PKDCC: variants seen among roughly 807,000 people sequenced by gnomAD.
The protein encoded by PKDCC is protein kinase domain containing, cytoplasmic, also known as extracellular tyrosine-protein kinase PKDCC.
A neutral mutation model predicts 44.7 loss-of-function variants in PKDCC; 35 were observed. The observed-to-expected ratio is 0.78, with a 90% CI of 0.60 to 1.04. PKDCC has a LOEUF of 1.04. Among genes scored for constraint, PKDCC ranks in the 50% least tolerant of loss-of-function variants. PKDCC has a pLI of 0.00. For synonymous variants in PKDCC, 353 were observed against 303.3 expected, an observed-to-expected ratio of 1.16 and a Z score of -1.70; for missense variants, 738 against 672.7, an observed-to-expected ratio of 1.10 and a Z score of -1.07.
rs1229958949 is a variant in PKDCC at position 42,054,294 on chromosome 2, T to C, written c.1021T>C (p.Tyr341His). The C allele has an allele frequency of 1.2e-6, 2 of 1,602,846 alleles. No individual in the cohort carries two copies. The highest frequency in any genetic ancestry group is 8.5e-7 in the Non-Finnish European group (1 of 1,174,272). The change falls in exon 3 of 7, where the codon TAT becomes CAT. Residue 341 changes from tyrosine to histidine, a missense_variant. Tyr to His is a moderately conservative substitution (Grantham distance 83). Transcript: ENST00000294964. The surrounding 1 kb of genome is among the most constrained non-coding windows in gnomAD (Gnocchi z 6.1). ...CEGMNEKRNL[Y>H]NAYRFFFTYL... is the part of the protein sequence containing the mutation. ...GGGCATGAACGAGAAGCGGAACCTCTATAATGCCTACAGGTGACCTCCACC... is the reference window on the plus strand; with the variant it reads ...GGGCATGAACGAGAAGCGGAACCTCCATAATGCCTACAGGTGACCTCCACC...
chr2:42,053,211 C>CA, intron 1 of PKDCC, 28 bp from the exon 2 acceptor site: 2 of 1,539,364 alleles, frequency 1.3e-6, no homozygotes, highest in Non-Finnish European at 1.8e-6. Flanking sequence ...ACCCTGTGAC[C>CA]TAATGACCTG....
chr2:42,055,201 G>C lies in PKDCC; in HGVS notation c.1115-85G>C. ...TGTTCACTGGGGCACAGGCTCTGGAGGCAGAGGTGGGAGCAGCTGGCTGCT... is the reference window on the plus strand; with the variant it reads ...TGTTCACTGGGGCACAGGCTCTGGACGCAGAGGTGGGAGCAGCTGGCTGCT... On this transcript the variant is annotated intron_variant, in intron 4 of 6. Coordinates refer to ENST00000294964, the MANE Select transcript of PKDCC (RefSeq NM_138370.3). The surrounding 1 kb of genome is among the most constrained non-coding windows in gnomAD (Gnocchi z 4.5). The C allele has an allele frequency of 7.3e-6, 10 of 1,378,162 alleles. No homozygotes were observed. The highest frequency in any genetic ancestry group is 1.0e-5 in the Non-Finnish European group (10 of 991,756). 85.4% of individuals were successfully genotyped at this position (1,378,162 alleles called of 1,614,324 possible).
In PKDCC at chr2:42,055,905, C is replaced by T. The variant is rs1400559930; in HGVS notation, c.1222+512C>T. 6.6e-6 allele frequency among the ~76,000 whole-genome samples: 1 copy of T among 152,168 alleles called. No homozygotes were observed. The highest frequency in any genetic ancestry group is 2.4e-5 in the African/African-American group (1 of 41,442). ...ATGTTAGGGAAGGCACACACTGAAACCAGCCAAGAAGCCCCAGGGCAGGGG... is the reference window on the plus strand; with the variant it reads ...ATGTTAGGGAAGGCACACACTGAAATCAGCCAAGAAGCCCCAGGGCAGGGG... On this transcript the variant is annotated intron_variant, in intron 5 of 6. Transcript: ENST00000294964. The surrounding 1 kb of genome is among the most constrained non-coding windows in gnomAD (Gnocchi z 4.5).
chr2:42,048,084 G>C lies in PKDCC; in HGVS notation c.-116G>C. 3 of 559,382 alleles carry C rather than the reference G, an allele frequency of 5.4e-6. No individual in the cohort carries two copies. Among genetic ancestry groups the C allele is most frequent in the Non-Finnish European group, 6.7e-6 (3 of 446,438 alleles). The allele number at this position is 559,382 out of a possible 1,614,324, so 34.7% of individuals were successfully genotyped here. ...GGGGTCGGGGCCGCCGGGGCCATGC[G>C]CGCGGGCTGGGCAGGGGGCCGGCGG... is the stretch of plus-strand genomic sequence containing the variant. On this transcript the variant is annotated 5_prime_UTR_variant, in exon 1 of 7. Coordinates refer to ENST00000294964, the MANE Select transcript of PKDCC (RefSeq NM_138370.3). The surrounding 1 kb of genome is among the most constrained non-coding windows in gnomAD (Gnocchi z 6.2).
chr2:42,050,692 G>A (rs753330691), intron 1 of PKDCC, among the ~76,000 whole-genome samples: 70 of 152,308 alleles, frequency 4.6e-4, no homozygotes, highest in African/African-American at 1.6e-3. Context: ...TTATTGTAGA[G>A]TCCCAGACGA....
rs758488715 is a variant in PKDCC, at chr2:42,048,677, G to T, written c.478G>T (p.Gly160Cys). 6 of 1,547,398 alleles carry T rather than the reference G, an allele frequency of 3.9e-6. No individual in the cohort carries two copies. The African/African-American group carries it at 8.2e-5, about 21-fold the overall frequency. The change falls in exon 1 of 7, where the codon GGT becomes TGT. Residue 160 changes from glycine (G) to cysteine (C), a missense_variant. Transcript: ENST00000294964. This position sits in a 1 kb window ranked among gnomAD's most constrained non-coding sequence, Gnocchi z 6.2. ...KAVYRVRLPG[G>C]AAVALKAVDF... ...CGTGTACCGGGTCCGCCTGCCCGGC[G>T]GTGCCGCGGTGGCGCTCAAGGCGGT...
Position 42,053,236 on chromosome 2 carries a change from CAG to C in PKDCC, c.640-2_640-1del. 6.2e-7 allele frequency: 1 copy of C among 1,607,288 alleles called. No homozygotes were observed. The highest frequency in any genetic ancestry group is 1.1e-5 in the South Asian group (1 of 90,320). On this transcript the variant is annotated splice_acceptor_variant, in intron 1 of 6. Coordinates refer to ENST00000294964, the MANE Select transcript of PKDCC (RefSeq NM_138370.3). LOFTEE classifies it high-confidence loss of function. ...CTAATGACCTGCCCTCGGCTTTCCC[CAG>C]CTCTATGGCTACTGCTACCAGGACA...
chr2:42,050,664 G>A (rs1167921177), intron 1 of PKDCC, among the ~76,000 whole-genome samples: 1 of 152,192 alleles, frequency 6.6e-6, no homozygotes, highest in Non-Finnish European at 1.5e-5. Flanking sequence ...GGTTGTCTGG[G>A]GTTAGCTGTG....
chr2:42,056,020 G>T (rs1021508289), intron 5 of PKDCC, among the ~76,000 whole-genome samples: 1 of 152,162 alleles, frequency 6.6e-6, no homozygotes, highest in Non-Finnish European at 1.5e-5. Context: ...GGGTGAGCAG[G>T]TTTCATATTC....
At chr2:42,056,755 C>A (rs1668063008) in intron 5 of PKDCC, among the ~76,000 whole-genome samples, 1 of 150,480 alleles carries the variant, frequency 6.6e-6, no homozygotes, top group Non-Finnish European at 1.5e-5. Flanking sequence ...CAGAGTGAGA[C>A]CCCATCAAAA....
At chr2:42,053,194 C>A in intron 1 of PKDCC, 45 bp from the exon 2 acceptor site, 3 of 1,247,636 alleles carry the variant, frequency 2.4e-6, no homozygotes, top group Non-Finnish European at 3.4e-6. Flanking sequence ...TCCCTGTCCC[C>A]ACCCCCACCC....
At chr2:42,049,732 C>T (rs1490808599) in intron 1 of PKDCC, among the ~76,000 whole-genome samples, 6 of 152,204 alleles carry the variant, frequency 3.9e-5, no homozygotes, top group Non-Finnish European at 8.8e-5. Flanking sequence ...GGGCCTCTCA[C>T]AGTCCCAGCA....
chr2:42,057,140 C>A, intron 5 of PKDCC, 81 bp from the exon 6 acceptor site: 2 of 1,502,522 alleles, frequency 1.3e-6, no homozygotes, highest in Non-Finnish European at 9.2e-7. Flanking sequence ...GTCTTGCTGC[C>A]CTTTCCAGAA....
rs1667922062 is a variant in PKDCC, at chr2:42,048,905, T to G, written c.639+67T>G. On this transcript the variant is annotated intron_variant, in intron 1 of 6. Coordinates refer to ENST00000294964, the MANE Select transcript of PKDCC (RefSeq NM_138370.3). The surrounding 1 kb of genome is among the most constrained non-coding windows in gnomAD (Gnocchi z 6.2). ...GTGCCCAAGACCTTGTCAACCTGGC[T>G]GGAAGAGAACCCCTTGATCTGGAGT... 1 of 1,376,306 alleles carries G rather than the reference T, an allele frequency of 7.3e-7. No homozygotes were observed. The highest frequency in any genetic ancestry group is 9.4e-7 in the Non-Finnish European group (1 of 1,060,038). 85.3% of individuals were successfully genotyped at this position (1,376,306 alleles called of 1,614,324 possible).
chr2:42,055,183 TG>T lies in PKDCC; in HGVS notation c.1115-99del. The T allele has an allele frequency of 7.6e-7, 1 of 1,307,564 alleles. No individual in the cohort carries two copies. Among genetic ancestry groups the T allele is most frequent in the Non-Finnish European group, 1.1e-6 (1 of 928,708 alleles). 81.0% of individuals were successfully genotyped at this position (1,307,564 alleles called of 1,614,324 possible). ...CCCCGCTCCCCCGCCCTCTGTTCAC[TG>T]GGGCACAGGCTCTGGAGGCAGAGGT... On this transcript the variant is annotated intron_variant, in intron 4 of 6. Transcript: ENST00000294964. This position sits in a 1 kb window ranked among gnomAD's most constrained non-coding sequence, Gnocchi z 4.5.
chr2:42,052,135 A>G lies in PKDCC; in HGVS notation c.640-1104A>G, dbSNP rs1460511566. ...AGTGCGGAGCTTCTCCCCAGATGAC[A>G]TAGAGTGGGCAGTTCCCTGTGACCG... On this transcript the variant is annotated intron_variant, in intron 1 of 6. Coordinates refer to ENST00000294964, the MANE Select transcript of PKDCC (RefSeq NM_138370.3). This position sits in a 1 kb window ranked among gnomAD's most constrained non-coding sequence, Gnocchi z 4.3. Among the ~76,000 whole-genome samples the G allele has an allele frequency of 6.6e-6, 1 of 152,102 alleles. No homozygotes were observed. Among genetic ancestry groups the G allele is most frequent in the South Asian group, 2.1e-4 (1 of 4,828 alleles).
Position 42,052,259 on chromosome 2 carries a change from C to A in PKDCC, c.640-980C>A, listed in dbSNP as rs771744978. Reference sequence around the variant, plus strand: ...TGCAAAACACACCTGGGGATGTGCCCTCAGGTACCTTGTTCTTATCAACAC... The same window carrying A: ...TGCAAAACACACCTGGGGATGTGCCATCAGGTACCTTGTTCTTATCAACAC... On this transcript the variant is annotated intron_variant, in intron 1 of 6. Coordinates refer to ENST00000294964, the MANE Select transcript of PKDCC (RefSeq NM_138370.3). The surrounding 1 kb of genome is among the most constrained non-coding windows in gnomAD (Gnocchi z 4.3). Among the ~76,000 whole-genome samples the A allele has an allele frequency of 1.3e-4, 20 of 152,128 alleles. No individual in the cohort carries two copies. The highest frequency in any genetic ancestry group is 2.5e-4 in the Non-Finnish European group (17 of 68,006).
intron 5 of PKDCC, among the ~76,000 whole-genome samples, chr2:42,056,554 A>T (rs1385916143): frequency 6.6e-6 from 1 of 152,136 alleles, no homozygotes; most frequent in Non-Finnish European, 1.5e-5. Flanking sequence ...GCCACACTGG[A>T]TGCTGGTTAG....
Position 42,052,729 on chromosome 2 carries a change from G to A in PKDCC, c.640-510G>A, listed in dbSNP as rs1368930738. Among the ~76,000 whole-genome samples the A allele has an allele frequency of 2.0e-5, 3 of 150,418 alleles. No individual in the cohort carries two copies. The highest frequency in any genetic ancestry group is 6.6e-5 in the Admixed American group (1 of 15,158). ...TGCACTCCAGCCTGGGCAACAGAGC[G>A]AGGCTGTCTCAAAAAAAAAAAAAGA... On this transcript the variant is annotated intron_variant, in intron 1 of 6. Transcript: ENST00000294964. The surrounding 1 kb of genome is among the most constrained non-coding windows in gnomAD (Gnocchi z 4.3).
Sources: allele counts gnomAD v4.1 joint callset (sites outside exome capture counted in the v4.1 genomes callset), GRCh38; gene constraint gnomAD v4.1.1; non-coding constraint Gnocchi (gnomAD v3.1); transcripts MANE v1.5; gene names NCBI Gene and HGNC (gene_info 2026-07-23, HGNC 2026-07-21).